The following RPS6KA1 variants were observed in gnomAD, a reference collection of about 807,000 sequenced individuals.
RPS6KA1 encodes the protein ribosomal protein S6 kinase alpha-1.
RPS6KA1 carries 48 observed loss-of-function variants against 91.3 expected under a neutral mutation model. The observed-to-expected ratio is 0.53, with a 90% CI of 0.42 to 0.67. RPS6KA1 has a LOEUF of 0.67. Among genes scored for constraint, RPS6KA1 ranks in the 30% least tolerant of loss-of-function variants. RPS6KA1 has a pLI of 0.00. For missense variants in RPS6KA1, 719 were observed against 960.5 expected, an observed-to-expected ratio of 0.75 and a Z score of 3.32; for synonymous variants, 359 against 384.7, an observed-to-expected ratio of 0.93 and a Z score of 0.78.
chr1:26,571,368 A>C lies in RPS6KA1; in HGVS notation c.1591-81A>C. 7.2e-7 allele frequency: 1 copy of C among 1,384,012 alleles called. No individual in the cohort carries two copies. Among genetic ancestry groups the C allele is most frequent in the Admixed American group, 1.8e-5 (1 of 56,800 alleles). The allele number at this position is 1,384,012 out of a possible 1,614,324, so 85.7% of individuals were successfully genotyped here. On this transcript the variant is annotated intron_variant, in intron 17 of 21. Coordinates refer to ENST00000374168, the MANE Select transcript of RPS6KA1 (RefSeq NM_002953.4). The surrounding 1 kb of genome is among the most constrained non-coding windows in gnomAD (Gnocchi z 5.1). ...CCGTCCCTCTGCACCCTGTCTGTGT[A>C]GCTTTCTAATCTCTGGCCGCTGACC... is the stretch of plus-strand genomic sequence containing the variant.
chr1:26,550,615 G>A (rs978653833), intron 4 of RPS6KA1, among the ~76,000 whole-genome samples: 2 of 152,158 alleles, frequency 1.3e-5, no homozygotes, highest in East Asian at 1.9e-4. Flanking sequence ...CACTGTGCCC[G>A]GCCCAAAAGC....
chr1:26,543,985 T>C, intron 2 of RPS6KA1: 1 of 436,006 alleles, frequency 2.3e-6, no homozygotes. Context: ...ATGGGAGATC[T>C]CAGAGGTGGG....
At chr1:26,556,258 T>C (rs910095887) in intron 11 of RPS6KA1, 1 of 242,136 alleles carries the variant, frequency 4.1e-6, no homozygotes, top group African/African-American at 2.2e-5. Flanking sequence ...TGGGGTCGAA[T>C]GGAGTAACAG....
At chr1:26,537,883 G>A (rs2075917834) in intron 2 of RPS6KA1, among the ~76,000 whole-genome samples, 1 of 152,226 alleles carries the variant, frequency 6.6e-6, no homozygotes, top group Non-Finnish European at 1.5e-5. Flanking sequence ...GAAGGACGAT[G>A]AGATAGTAAC....
chr1:26,547,291 G>A lies in RPS6KA1; in HGVS notation c.307+21G>A. The A allele has an allele frequency of 1.9e-6, 3 of 1,607,964 alleles. No homozygotes were observed. In the South Asian group the frequency reaches 3.3e-5, roughly 18 times the overall value. Reference sequence around the variant, plus strand: ...GAAAGGTGAGTGGGGACACCTCCCTGTGCAGAACCCAGGCTTGGCTGAGGG... The same window carrying A: ...GAAAGGTGAGTGGGGACACCTCCCTATGCAGAACCCAGGCTTGGCTGAGGG... On this transcript the variant is annotated intron_variant, in intron 4 of 21. Coordinates refer to ENST00000374168, the MANE Select transcript of RPS6KA1 (RefSeq NM_002953.4). This position sits in a 1 kb window ranked among gnomAD's most constrained non-coding sequence, Gnocchi z 4.1.
rs541442278 is a variant in RPS6KA1, at chr1:26,555,295, T to G, written c.827+74T>G. On this transcript the variant is annotated intron_variant, in intron 10 of 21. Coordinates refer to ENST00000374168, the MANE Select transcript of RPS6KA1 (RefSeq NM_002953.4). The surrounding 1 kb of genome is among the most constrained non-coding windows in gnomAD (Gnocchi z 4.3). ...CCCCAGTTTGGGGGTCAGAATATTA[T>G]TACCCTGTCCCTGCCTCAGCTACCC... The G allele has an allele frequency of 6.9e-7, 1 of 1,442,576 alleles. No individual in the cohort carries two copies. 89.4% of individuals were successfully genotyped at this position (1,442,576 alleles called of 1,614,324 possible).
intron 17 of RPS6KA1, among the ~76,000 whole-genome samples, chr1:26,562,663 C>T (rs1030819496): frequency 6.6e-6 from 1 of 152,098 alleles, no homozygotes; most frequent in African/African-American, 2.4e-5. Flanking sequence ...ATTAGCTTCT[C>T]TCTGCATGAG....
intron 21 of RPS6KA1, 88 bp from the exon 22 acceptor site, chr1:26,573,991 G>A: frequency 6.9e-7 from 1 of 1,450,150 alleles, no homozygotes; most frequent in East Asian, 2.3e-5. Flanking sequence ...GTGGAACACT[G>A]AGAGGGGCTG....
In RPS6KA1 at chr1:26,551,358, T is replaced by C; in HGVS notation, c.308-39T>C. ...GGGGCTTGGGAGTGGCTGTGTTGAG[T>C]GTCTAGGCTACTGGTGACTTCCTTT... On this transcript the variant is annotated intron_variant, in intron 4 of 21. Transcript: ENST00000374168. This position sits in a 1 kb window ranked among gnomAD's most constrained non-coding sequence, Gnocchi z 4.5. The C allele has an allele frequency of 1.9e-6, 3 of 1,581,346 alleles. No homozygotes were observed. The South Asian group carries it at 3.3e-5, about 18-fold the overall frequency.
At position 26,563,029 on chromosome 1, in the gene RPS6KA1, G is replaced by A. The variant is rs1460649842; in HGVS notation, c.1590+1366G>A. On this transcript the variant is annotated intron_variant, in intron 17 of 21. Transcript: ENST00000374168. The stretch of plus-strand genomic sequence containing the variant: ...TTTTTTTGTATTTTTAGTAGAGATG[G>A]GGTTTCACCATGTTGGCCAGGCTGG... Among the ~76,000 whole-genome samples, 5 of 151,784 alleles carry A rather than the reference G, an allele frequency of 3.3e-5. No homozygotes were observed. In the East Asian group the frequency reaches 7.7e-4, roughly 24 times the overall value.
At chr1:26,536,703 G>A (rs1237247047) in intron 1 of RPS6KA1, among the ~76,000 whole-genome samples, 1 of 152,216 alleles carries the variant, frequency 6.6e-6, no homozygotes, top group Non-Finnish European at 1.5e-5. Context: ...GCTGGTCCCT[G>A]GGAATATTCT....
At chr1:26,553,151 C>T (rs1027735983) in intron 6 of RPS6KA1, among the ~76,000 whole-genome samples, 2 of 152,178 alleles carry the variant, frequency 1.3e-5, no homozygotes, top group African/African-American at 4.8e-5. Flanking sequence ...CAGCCTTCTA[C>T]TCTTGGACCC....
intron 2 of RPS6KA1, among the ~76,000 whole-genome samples, chr1:26,539,570 GA>G (rs2075931289): frequency 6.6e-6 from 1 of 152,240 alleles, no homozygotes; most frequent in African/African-American, 2.4e-5. Flanking sequence ...GGGCTACCTG[GA>G]AAAGAGAATG....
Position 26,572,195 on chromosome 1 carries a change from G to T in RPS6KA1, c.1849G>T (p.Gly617Cys), listed in dbSNP as rs995643038. 5.6e-6 allele frequency: 9 copies of T among 1,613,936 alleles called. No individual in the cohort carries two copies. Among genetic ancestry groups the T allele is most frequent in the Non-Finnish European group, 7.6e-6 (9 of 1,179,936 alleles). The change falls in exon 20 of 22, where the codon GGT becomes TGT. Residue 617 changes from glycine (G) to cysteine (C), a missense_variant. By Grantham distance (159) the Gly-to-Cys change is radical (BLOSUM62 -3). Transcript: ENST00000374168. ...CTGCAGATATACTCCATTTGCCAAC[G>T]GTCCCAGTGACACACCAGAGGAAAT... ...MLAGYTPFAN[G>C]PSDTPEEILT...
chr1:26,548,762 A>G (rs937738412), intron 4 of RPS6KA1, among the ~76,000 whole-genome samples: 77 of 151,722 alleles, frequency 5.1e-4, no homozygotes, highest in Non-Finnish European at 2.9e-5. Context: ...TCGCGCCACC[A>G]TACTCCAGCC....
intron 1 of RPS6KA1, chr1:26,531,005 G>GAGACAGGGGCTCCAGGCCCAA: frequency 1.1e-6 from 1 of 886,130 alleles, no homozygotes; most frequent in Non-Finnish European, 1.4e-6. Context: ...GCTTGGGCCT[G>GAGACAGGGGCTCCAGGCCCAA]GAGCCCCTGT....
In RPS6KA1 at chr1:26,571,703, T is replaced by A; in HGVS notation, c.1752+93T>A. 1 of 1,519,902 alleles carries A rather than the reference T, an allele frequency of 6.6e-7. No individual in the cohort carries two copies. The highest frequency in any genetic ancestry group is 2.4e-5 in the East Asian group (1 of 41,626). The allele number at this position is 1,519,902 out of a possible 1,614,324, so 94.2% of individuals were successfully genotyped here. A position where few individuals can be genotyped will look rare whatever the true frequency, so the allele number is the denominator to read the frequency against. ...GGCCCCACATTAGCCGGGACTCCAG[T>A]CTCTGTGACCTTGGCCCAGCTGGCA... is the stretch of plus-strand genomic sequence containing the variant. On this transcript the variant is annotated intron_variant, in intron 18 of 21. Transcript: ENST00000374168. This position sits in a 1 kb window ranked among gnomAD's most constrained non-coding sequence, Gnocchi z 5.1.
chr1:26,572,357 T>C (rs1433873693), intron 20 of RPS6KA1, 64 bp downstream of exon 20: 2 of 1,068,600 alleles, frequency 1.9e-6, no homozygotes, highest in Admixed American at 1.7e-5. Flanking sequence ...TCCTAGGGCT[T>C]TTCAGCAGTT....
intron 14 of RPS6KA1, 80 bp from the exon 15 acceptor site, chr1:26,560,646 G>C (rs1333189827): frequency 6.3e-7 from 1 of 1,577,322 alleles, no homozygotes; most frequent in African/African-American, 1.3e-5. Context: ...TGTCTCTACT[G>C]AGCCAAGACC....
Sources: gnomAD v4.1 joint callset for allele counts (sites outside exome capture counted in the v4.1 genomes callset) on GRCh38, gnomAD v4.1.1 for gene constraint, Gnocchi (gnomAD v3.1) non-coding constraint, MANE v1.5 for transcripts, NCBI Gene and HGNC (gene_info 2026-07-23, HGNC 2026-07-21) for gene names.